The following ADAM12 variants were observed in gnomAD, a reference collection of about 807,000 sequenced individuals.
ADAM12 encodes the protein disintegrin and metalloproteinase domain-containing protein 12.
ADAM12 carries 70 observed loss-of-function variants against 106.4 expected under a neutral mutation model. That is an observed-to-expected ratio of 0.66 (90% confidence interval 0.54 to 0.80). The LOEUF (loss-of-function observed/expected upper bound fraction) is 0.80, where lower values mean the gene tolerates loss of function less well. ADAM12 is among the 30% of genes least tolerant of loss of function. ADAM12 has a pLI of 0.00. For missense variants in ADAM12, 1,010 were observed against 1,171.9 expected, an observed-to-expected ratio of 0.86 and a Z score of 2.02; for synonymous variants, 420 against 433.5, an observed-to-expected ratio of 0.97 and a Z score of 0.39.
At chr10:126,266,321 G>A (rs532247563) in intron 3 of ADAM12, among the ~76,000 whole-genome samples, 28 of 152,296 alleles carry the variant, frequency 1.8e-4, no homozygotes, top group Admixed American at 9.2e-4. Context: ...AGGGTGGGAC[G>A]AGGCAGGGTA....
chr10:126,164,300 C>A (rs1956987523), intron 3 of ADAM12, among the ~76,000 whole-genome samples: 1 of 152,234 alleles, frequency 6.6e-6, no homozygotes, highest in Non-Finnish European at 1.5e-5. Context: ...TTAACACCAG[C>A]AGGCAGTATA....
chr10:126,110,220 T>C (rs1324351708), intron 6 of ADAM12, among the ~76,000 whole-genome samples: 1 of 151,908 alleles, frequency 6.6e-6, no homozygotes. Context: ...GTAGGTCTTC[T>C]CTGATGACCA....
At chr10:126,178,051 G>C (rs1023652781) in intron 3 of ADAM12, among the ~76,000 whole-genome samples, 1 of 152,134 alleles carries the variant, frequency 6.6e-6, no homozygotes, top group African/African-American at 2.4e-5. Flanking sequence ...AACCGGGAAA[G>C]TTTTGTGTTT....
chr10:126,034,955 A>T (rs542832294), intron 21 of ADAM12, among the ~76,000 whole-genome samples: 2 of 152,194 alleles, frequency 1.3e-5, no homozygotes, highest in Non-Finnish European at 2.9e-5. Flanking sequence ...ATGACACAAC[A>T]ATCCTAATTG....
At chr10:126,368,173 C>T (rs993697587) in intron 1 of ADAM12, among the ~76,000 whole-genome samples, 3 of 151,682 alleles carry the variant, frequency 2.0e-5, no homozygotes, top group Admixed American at 6.6e-5. Context: ...GGATAAACAA[C>T]AAATGAATGG....
chr10:126,043,594 C>T lies in ADAM12; in HGVS notation c.1996-446G>A, dbSNP rs1316544100. Among the ~76,000 whole-genome samples the T allele has an allele frequency of 2.0e-5, 3 of 152,186 alleles. No individual in the cohort carries two copies. The highest frequency in any genetic ancestry group is 2.9e-5 in the Non-Finnish European group (2 of 68,022). On this transcript the variant is annotated intron_variant, in intron 17 of 22. Transcript: ENST00000448723. This position sits in a 1 kb window ranked among gnomAD's most constrained non-coding sequence, Gnocchi z 4.1. ...TTGGCGCATCCCTGTCTCCTTCAGA[C>T]AGAAGGCTCAGAGAGGCTGGTGACT... is the stretch of plus-strand genomic sequence containing the variant.
chr10:126,154,557 C>T (rs12244973), intron 4 of ADAM12, among the ~76,000 whole-genome samples: 19,506 of 152,252 alleles, frequency 0.13, 1,329 homozygotes, highest in Middle Eastern at 0.22. Flanking sequence ...AAAATACCCA[C>T]AGCTCTTTAA....
At chr10:126,047,695 G>A (rs777753524) in intron 16 of ADAM12, among the ~76,000 whole-genome samples, 43 of 152,168 alleles carry the variant, frequency 2.8e-4, no homozygotes, top group African/African-American at 8.4e-4. Context: ...TACTGCTGGT[G>A]GAGTGTAAAT....
chr10:126,340,642 T>C (rs548438678), intron 1 of ADAM12, among the ~76,000 whole-genome samples: 1 of 152,210 alleles, frequency 6.6e-6, no homozygotes, highest in East Asian at 1.9e-4. Flanking sequence ...TAGCACCATC[T>C]TCCTCTCTCT....
In ADAM12 at chr10:126,301,419, T is replaced by C. The variant is rs562164618; in HGVS notation, c.187-22431A>G. 5.3e-5 allele frequency among the ~76,000 whole-genome samples: 8 copies of C among 152,320 alleles called. No individual in the cohort carries two copies. The South Asian group carries it at 8.3e-4, about 16-fold the overall frequency. On this transcript the variant is annotated intron_variant, in intron 2 of 22. Coordinates refer to ENST00000448723, the MANE Select transcript of ADAM12 (RefSeq NM_001288973.2). ...CATTCAATCTATGTCAGGGTGAGCATAGTTTCATTCAGTCCCCAAATGAAG... is the reference window on the plus strand; with the variant it reads ...CATTCAATCTATGTCAGGGTGAGCACAGTTTCATTCAGTCCCCAAATGAAG...
intron 14 of ADAM12, among the ~76,000 whole-genome samples, chr10:126,055,392 C>T (rs1389014302): frequency 2.0e-5 from 3 of 151,596 alleles, no homozygotes; most frequent in Non-Finnish European, 4.4e-5. Flanking sequence ...TTGCTCTTAA[C>T]AAACACACAC....
At chr10:126,192,634 C>A (rs546365326) in intron 3 of ADAM12, among the ~76,000 whole-genome samples, 5 of 152,348 alleles carry the variant, frequency 3.3e-5, no homozygotes, top group African/African-American at 1.2e-4. Context: ...AATTCTAAAT[C>A]TCTGTTTGTA....
At chr10:126,266,407 G>A (rs2133723001) in intron 3 of ADAM12, among the ~76,000 whole-genome samples, 1 of 152,326 alleles carries the variant, frequency 6.6e-6, no homozygotes. Context: ...AATAGGGGCA[G>A]TCACAGGAAG....
At chr10:126,263,048 G>T (rs942655502) in intron 3 of ADAM12, among the ~76,000 whole-genome samples, 5 of 152,196 alleles carry the variant, frequency 3.3e-5, no homozygotes, top group Non-Finnish European at 7.3e-5. Context: ...GGAGCCACTC[G>T]CTCAGGGTTT....
At chr10:126,295,546 C>CAG (rs1358542376) in intron 2 of ADAM12, among the ~76,000 whole-genome samples, 18 of 145,640 alleles carry the variant, frequency 1.2e-4, no homozygotes, top group African/African-American at 4.8e-4. Flanking sequence ...CACACACACA[C>CAG]ATACACACAC....
chr10:126,377,026 C>A (rs139765452), intron 1 of ADAM12, among the ~76,000 whole-genome samples: 40 of 152,278 alleles, frequency 2.6e-4, no homozygotes, highest in African/African-American at 9.1e-4. Flanking sequence ...GGGTGAGCAA[C>A]GATCCCAATT....
At chr10:126,135,486 A>G in intron 5 of ADAM12, 98 bp downstream of exon 5, 7 of 1,187,958 alleles carry the variant, frequency 5.9e-6, no homozygotes, top group Non-Finnish European at 8.6e-6. Context: ...GGGAGCCCCC[A>G]TCACTCACTC....
rs933981718 is a variant in ADAM12 at position 126,017,186 on chromosome 10, A to C, written c.*93T>G. On this transcript the variant is annotated 3_prime_UTR_variant, in exon 23 of 23. Coordinates refer to ENST00000448723, the MANE Select transcript of ADAM12 (RefSeq NM_001288973.2). Reference sequence around the variant, plus strand: ...ATAGTAATGATGTTTTAAACATTAAAAAAAATCCTAAAAGTTGGTACAAAA... The same window carrying C: ...ATAGTAATGATGTTTTAAACATTAACAAAAATCCTAAAAGTTGGTACAAAA... The C allele has an allele frequency of 2.5e-6, 3 of 1,209,260 alleles. No individual in the cohort carries two copies. Among genetic ancestry groups the C allele is most frequent in the Admixed American group, 2.5e-5 (1 of 40,654 alleles). The allele number at this position is 1,209,260 out of a possible 1,614,324, so 74.9% of individuals were successfully genotyped here.
At chr10:126,051,512 T>TCCAGCCAG (rs1226123163) in intron 14 of ADAM12, among the ~76,000 whole-genome samples, 33 of 139,126 alleles carry the variant, frequency 2.4e-4, no homozygotes, top group Middle Eastern at 3.7e-3. Flanking sequence ...CGTCCATCCA[T>TCCAGCCAG]CCATCCATCC....
Sources: allele counts gnomAD v4.1 joint callset (sites outside exome capture counted in the v4.1 genomes callset), GRCh38; gene constraint gnomAD v4.1.1; non-coding constraint Gnocchi (gnomAD v3.1); transcripts MANE v1.5; gene names NCBI Gene and HGNC (gene_info 2026-07-23, HGNC 2026-07-21).